Variants in SYNE2 observed in about 807,000 individuals in gnomAD.
SYNE2 encodes the protein nesprin-2.
Under a neutral mutation model 856.3 loss-of-function variants are expected in SYNE2, and 431 were observed. That is an observed-to-expected ratio of 0.50 (90% CI 0.47 to 0.55). The LOEUF is 0.55. Among genes scored for constraint, SYNE2 ranks in the 20% least tolerant of loss-of-function variants. The probability of loss-of-function intolerance (pLI) is 0.00; values close to 1 mark genes in which losing one functional copy is unlikely to be tolerated. For synonymous variants in SYNE2, 2,923 were observed against 2,872.3 expected (o/e 1.02, Z -0.56); for missense variants, 8,129 against 8,023.2 (o/e 1.01, Z -0.50).
intron 45 of SYNE2, among the ~76,000 whole-genome samples, chr14:64,047,048 C>G (rs1239549405): frequency 6.6e-6 from 1 of 152,210 alleles, no homozygotes; most frequent in Non-Finnish European, 1.5e-5. Context: ...GTGTAACAGC[C>G]TTTCTGGGTA....
chr14:63,846,264 T>C (rs1044618823), intron 1 of SYNE2, among the ~76,000 whole-genome samples: 2 of 151,934 alleles, frequency 1.3e-5, no homozygotes, highest in African/African-American at 2.4e-5. Flanking sequence ...CCCAGGTTGG[T>C]CTCAAACTCC....
At chr14:63,795,716 G>C (rs1235514088) in intron 1 of SYNE2, among the ~76,000 whole-genome samples, 1 of 152,136 alleles carries the variant, frequency 6.6e-6, no homozygotes, top group Non-Finnish European at 1.5e-5. Flanking sequence ...GTTCACAGCA[G>C]TGTGATTCAT....
At chr14:64,098,312 C>A in intron 62 of SYNE2, 166 bp downstream of exon 62, 1 of 770,428 alleles carries the variant, frequency 1.3e-6, no homozygotes, top group Non-Finnish European at 2.2e-6. Flanking sequence ...GAATATAAAT[C>A]CTCAGGGTGT....
intron 1 of SYNE2, among the ~76,000 whole-genome samples, chr14:63,827,625 CAAAAA>C (rs11334415): frequency 1.1e-4 from 3 of 28,410 alleles, no homozygotes; most frequent in African/African-American, 3.8e-4. Flanking sequence ...AACTCTGTCT[CAAAAA>C]AAAAAAAAAA....
At chr14:63,803,989 A>G (rs747616185) in intron 1 of SYNE2, among the ~76,000 whole-genome samples, 4 of 152,058 alleles carry the variant, frequency 2.6e-5, no homozygotes, top group African/African-American at 4.8e-5. Flanking sequence ...AGTGTGTGGC[A>G]CTTCCCCCTT....
intron 91 of SYNE2, 52 bp from the exon 92 acceptor site, chr14:64,167,443 G>A (rs557840078): frequency 1.9e-6 from 3 of 1,614,260 alleles, no homozygotes; most frequent in East Asian, 2.2e-5. Flanking sequence ...AACGGCTTCA[G>A]CTCGGGAATG....
At chr14:63,977,623 T>TACA (rs1244584385) in intron 12 of SYNE2, among the ~76,000 whole-genome samples, 1 of 152,122 alleles carries the variant, frequency 6.6e-6, no homozygotes, top group Non-Finnish European at 1.5e-5. Flanking sequence ...AGCTGGGTAT[T>TACA]GTGCTCTGCA....
intron 96 of SYNE2, among the ~76,000 whole-genome samples, chr14:64,185,513 C>T (rs1012971912): frequency 4.0e-4 from 46 of 115,796 alleles, no homozygotes; most frequent in Admixed American, 5.2e-4. Context: ...TTTTCTTTTT[C>T]TTTTTCTTTT....
chr14:63,929,878 T>C (rs1171007813), intron 2 of SYNE2, among the ~76,000 whole-genome samples: 3 of 151,786 alleles, frequency 2.0e-5, no homozygotes, highest in Non-Finnish European at 4.4e-5. Context: ...GAATTCCAGG[T>C]TAAGGAAACA....
At chr14:63,883,599 T>C (rs915925861) in intron 1 of SYNE2, among the ~76,000 whole-genome samples, 1 of 151,722 alleles carries the variant, frequency 6.6e-6, no homozygotes, top group Non-Finnish European at 1.5e-5. Flanking sequence ...CAAGCAATCC[T>C]CCCACCTTGG....
At chr14:64,017,909 T>C in intron 34 of SYNE2, among the ~76,000 whole-genome samples, 153 bp downstream of exon 34, 1 of 152,230 alleles carries the variant, frequency 6.6e-6, no homozygotes, top group Non-Finnish European at 1.5e-5. Context: ...AGTTGTTGAA[T>C]CTATTACCCT....
At chr14:63,834,598 G>A (rs1374409319) in intron 1 of SYNE2, among the ~76,000 whole-genome samples, 1 of 151,600 alleles carries the variant, frequency 6.6e-6, no homozygotes, top group Non-Finnish European at 1.5e-5. Flanking sequence ...AAAGTGCTGG[G>A]ATTACAGGTG....
At chr14:64,143,276 C>T (rs1352068461) in intron 82 of SYNE2, among the ~76,000 whole-genome samples, 1 of 152,152 alleles carries the variant, frequency 6.6e-6, no homozygotes, top group Non-Finnish European at 1.5e-5. Context: ...CTTAAAGCCA[C>T]CCAAACTTTC....
intron 112 of SYNE2, 49 bp from the exon 113 acceptor site, chr14:64,223,140 C>T (rs369130711): frequency 1.6e-5 from 25 of 1,604,616 alleles, no homozygotes; most frequent in South Asian, 3.3e-5. Flanking sequence ...TGTCCACACT[C>T]GCTTCCCTTT....
chr14:64,044,358 C>T (rs907013030), intron 45 of SYNE2, among the ~76,000 whole-genome samples: 18 of 152,132 alleles, frequency 1.2e-4, no homozygotes, highest in African/African-American at 4.3e-4. Flanking sequence ...ATACCTGTAC[C>T]CCCATTGTAT....
rs1318181793 is a variant in SYNE2, at chr14:64,024,318, A to G, written c.5699A>G (p.His1900Arg). 1 of 1,614,176 alleles carries G rather than the reference A, an allele frequency of 6.2e-7. No homozygotes were observed. ...KIKQVDSVLK[H>R]VKKHLPKAHV... is the part of the protein sequence containing the mutation. Reference sequence around the variant, plus strand: ...AAGCAGGTGGACAGCGTACTGAAGCATGTGAAGAAGCATCTGCCCAAAGCA... The same window carrying G: ...AAGCAGGTGGACAGCGTACTGAAGCGTGTGAAGAAGCATCTGCCCAAAGCA... Residue 1900 changes from histidine to arginine, a missense_variant, in exon 39 of 116, where the codon CAT becomes CGT. His to Arg is a conservative substitution (Grantham distance 29). Transcript: ENST00000555002.
rs2097242032 is a variant in SYNE2, at chr14:64,053,381, C to G, written c.9468C>G (p.Asp3156Glu). Residue 3156 changes from aspartate to glutamate, a missense_variant, in exon 48 of 116, where the codon GAC becomes GAG. By Grantham distance (45) the Asp-to-Glu change is conservative (BLOSUM62 2). This residue lies in a region of SYNE2 where 5,410 missense variants were observed against 5,284.8 expected (regional missense o/e 1.02). Coordinates refer to ENST00000555002, the MANE Select transcript of SYNE2 (RefSeq NM_182914.3). ...AATTGGATGAAAAGAATTGTCAGGACAAACTAGAAACTTCCTTACATGTTT... is the reference window on the plus strand; with the variant it reads ...AATTGGATGAAAAGAATTGTCAGGAGAAACTAGAAACTTCCTTACATGTTT... ...PKELDEKNCQ[D>E]KLETSLHVLN... 6.2e-7 allele frequency: 1 copy of G among 1,613,748 alleles called. No individual in the cohort carries two copies. The highest frequency in any genetic ancestry group is 8.5e-7 in the Non-Finnish European group (1 of 1,179,958).
At position 63,904,128 on chromosome 14, in the gene SYNE2, C is replaced by T. The variant is rs111896782; in HGVS notation, c.-51-4970C>T. Reference sequence around the variant, plus strand: ...TTAGGATTATGGCCTCCAGCTCCATCCATGTTGCTGCAAAGGCTATGATTT... The same window carrying T: ...TTAGGATTATGGCCTCCAGCTCCATTCATGTTGCTGCAAAGGCTATGATTT... On this transcript the variant is annotated intron_variant, in intron 1 of 115. Transcript: ENST00000555002. Among the ~76,000 whole-genome samples the T allele has an allele frequency of 1.3e-3, 203 of 152,304 alleles. 1 individual carries two copies. Among genetic ancestry groups the T allele is most frequent in the African/African-American group, 4.7e-3 (194 of 41,568 alleles).
chr14:64,204,998 A>C (rs1390787549), intron 100 of SYNE2, among the ~76,000 whole-genome samples: 3 of 152,130 alleles, frequency 2.0e-5, no homozygotes, highest in African/African-American at 7.2e-5. Flanking sequence ...AACGCCGTCA[A>C]CATTGCATCT....
Sources: gnomAD v4.1 joint callset for allele counts (sites outside exome capture counted in the v4.1 genomes callset) on GRCh38, gnomAD v4.1.1 for gene constraint, gnomAD v4.1.1 regional missense constraint, MANE v1.5 for transcripts, NCBI Gene and HGNC (gene_info 2026-07-23, HGNC 2026-07-21) for gene names.